PLCB4: variants seen among roughly 807,000 people sequenced by gnomAD.
PLCB4 encodes 1-phosphatidylinositol 4,5-bisphosphate phosphodiesterase beta-4.
A neutral mutation model predicts 178.8 loss-of-function variants in PLCB4; 77 were observed. The observed-to-expected ratio is 0.43, with a 90% CI of 0.36 to 0.52. The LOEUF is 0.52. Among genes scored for constraint, PLCB4 ranks in the 20% least tolerant of loss-of-function variants. The probability of loss-of-function intolerance (pLI) is 0.00; values close to 1 mark genes in which losing one functional copy is unlikely to be tolerated. For synonymous variants in PLCB4, 496 were observed against 490.8 expected, an observed-to-expected ratio of 1.01 and a Z score of -0.14; for missense variants, 1,024 against 1,453.4, an observed-to-expected ratio of 0.70 and a Z score of 4.80.
chr20:9,453,848 T>C (rs939360975), intron 33 of PLCB4, among the ~76,000 whole-genome samples: 1 of 152,174 alleles, frequency 6.6e-6, no homozygotes, highest in African/African-American at 2.4e-5. Flanking sequence ...TACTACAGAG[T>C]TCCCTTATGC....
At chr20:9,293,391 GAAGGA>G (rs1382844868) in intron 3 of PLCB4, among the ~76,000 whole-genome samples, 16 of 146,858 alleles carry the variant, frequency 1.1e-4, no homozygotes, top group South Asian at 2.2e-4. Context: ...GAAGGAAAGG[GAAGGA>G]AAGGAAAGGG....
At chr20:9,287,247 C>T (rs2094543722) in intron 3 of PLCB4, among the ~76,000 whole-genome samples, 1 of 151,894 alleles carries the variant, frequency 6.6e-6, no homozygotes, top group South Asian at 2.1e-4. Context: ...TACTGACATA[C>T]CAGGCATTTC....
rs1286978909 is a variant in PLCB4 at position 9,435,553 on chromosome 20, C to T, written c.2525-7C>T. Reference sequence around the variant, plus strand: ...TTAACGGCTCATTGGGTTTTTTTTTCCCCTAGATATCGTGGATGCTTTATC... The same window carrying T: ...TTAACGGCTCATTGGGTTTTTTTTTTCCCTAGATATCGTGGATGCTTTATC... On this transcript the variant is annotated splice_polypyrimidine_tract_variant and splice_region_variant and intron_variant, in intron 28 of 39. Coordinates refer to ENST00000378473, the MANE Select transcript of PLCB4 (RefSeq NM_001377142.1). 8.6e-6 allele frequency: 13 copies of T among 1,519,958 alleles called. No homozygotes were observed. Among genetic ancestry groups the T allele is most frequent in the Admixed American group, 5.3e-5 (3 of 56,790 alleles). 94.2% of individuals were successfully genotyped at this position (1,519,958 alleles called of 1,614,324 possible).
chr20:9,160,604 T>G (rs2092871774), intron 2 of PLCB4, among the ~76,000 whole-genome samples: 1 of 152,192 alleles, frequency 6.6e-6, no homozygotes, highest in Admixed American at 6.5e-5. Flanking sequence ...TAAAAAAGAA[T>G]GCAGAAAGTG....
At chr20:9,388,767 C>G (rs1292477336) in intron 15 of PLCB4, among the ~76,000 whole-genome samples, 3 of 152,142 alleles carry the variant, frequency 2.0e-5, no homozygotes, top group African/African-American at 7.2e-5. Flanking sequence ...CATAGTATTT[C>G]TCTTAGCCAA....
chr20:9,169,557 CCAGCCTG>C (rs1272323099), intron 2 of PLCB4, among the ~76,000 whole-genome samples: 1 of 151,500 alleles, frequency 6.6e-6, no homozygotes, highest in Non-Finnish European at 1.5e-5. Context: ...CCACTGCGCT[CCAGCCTG>C]GGTGACGGAG....
chr20:9,090,877 G>A (rs2090650025), intron 1 of PLCB4, among the ~76,000 whole-genome samples: 1 of 152,154 alleles, frequency 6.6e-6, no homozygotes, highest in African/African-American at 2.4e-5. Flanking sequence ...AGAGGTAGTA[G>A]TTATTCAATG....
intron 2 of PLCB4, among the ~76,000 whole-genome samples, chr20:9,128,538 C>T (rs2092190029): frequency 1.3e-5 from 2 of 152,146 alleles, no homozygotes; most frequent in Admixed American, 6.6e-5. Flanking sequence ...GAGTGTACCT[C>T]CATGCCCAGC....
At chr20:9,189,864 C>T (rs2093378351) in intron 2 of PLCB4, among the ~76,000 whole-genome samples, 1 of 152,112 alleles carries the variant, frequency 6.6e-6, no homozygotes, top group Non-Finnish European at 1.5e-5. Flanking sequence ...CATCATGGCT[C>T]AGTCACCTCC....
At chr20:9,134,448 C>G (rs2092341182) in intron 2 of PLCB4, among the ~76,000 whole-genome samples, 1 of 151,434 alleles carries the variant, frequency 6.6e-6, no homozygotes. Context: ...ATTGTATAAC[C>G]CCATTTTTTT....
chr20:9,129,044 A>C (rs1220596598), intron 2 of PLCB4, among the ~76,000 whole-genome samples: 1 of 152,170 alleles, frequency 6.6e-6, no homozygotes, highest in Non-Finnish European at 1.5e-5. Flanking sequence ...TTATATGTGT[A>C]TACCACATTT....
intron 3 of PLCB4, among the ~76,000 whole-genome samples, chr20:9,247,024 C>G (rs553186498): frequency 1.5e-3 from 233 of 152,178 alleles, no homozygotes; most frequent in African/African-American, 3.7e-3. Flanking sequence ...CATTAGGCCT[C>G]TTAGTTACTA....
intron 3 of PLCB4, among the ~76,000 whole-genome samples, chr20:9,265,178 C>T (rs2094336716): frequency 6.6e-6 from 1 of 152,034 alleles, no homozygotes; most frequent in African/African-American, 2.4e-5. Flanking sequence ...TTGAGGTGTA[C>T]TTGAAAAGAT....
chr20:9,261,787 T>A (rs2094299897), intron 3 of PLCB4, among the ~76,000 whole-genome samples: 1 of 152,204 alleles, frequency 6.6e-6, no homozygotes, highest in East Asian at 1.9e-4. Context: ...CAAGGACACA[T>A]TGTTAATGAG....
In PLCB4 at chr20:9,362,910, C is replaced by A; in HGVS notation, c.384C>A (p.Gly128=). 1 of 1,611,600 alleles carries A rather than the reference C, an allele frequency of 6.2e-7. No homozygotes were observed. The highest frequency in any genetic ancestry group is 8.5e-7 in the Non-Finnish European group (1 of 1,177,836). ...TTCTCTTTCAGCAATGGGTAGAAGG[C>A]CTGAGATCAATCATACACAACTTCA... is the stretch of plus-strand genomic sequence containing the variant. ...NPEVTKQWVE[G]LRSIIHNFRA... is the part of the protein sequence containing the mutation. Residue 128 remains glycine (G), a synonymous_variant, in exon 8 of 40, where the codon GGC becomes GGA. Transcript: ENST00000378473.
intron 2 of PLCB4, among the ~76,000 whole-genome samples, chr20:9,191,871 A>G (rs1049813579): frequency 3.4e-5 from 5 of 148,500 alleles, no homozygotes; most frequent in Non-Finnish European, 7.4e-5. Context: ...ATATTAATTC[A>G]TTCTGTATGT....
chr20:9,200,627 T>C (rs1468294929), intron 2 of PLCB4, among the ~76,000 whole-genome samples: 5 of 152,190 alleles, frequency 3.3e-5, no homozygotes, highest in Admixed American at 3.3e-4. Flanking sequence ...TCCCTTCTGG[T>C]GTCCTCCTCC....
chr20:9,433,985 T>C (rs1051072961), intron 28 of PLCB4, among the ~76,000 whole-genome samples: 3 of 152,224 alleles, frequency 2.0e-5, no homozygotes, highest in Admixed American at 1.3e-4. Context: ...ATCTATTCTG[T>C]AAATATATGT....
chr20:9,210,825 G>A (rs548714756), intron 2 of PLCB4, among the ~76,000 whole-genome samples: 172 of 152,248 alleles, frequency 1.1e-3, no homozygotes, highest in African/African-American at 3.9e-3. Context: ...ATTGGAGGGG[G>A]TGAGTGCCAT....
Sources: gnomAD v4.1 joint callset for allele counts (sites outside exome capture counted in the v4.1 genomes callset) on GRCh38, gnomAD v4.1.1 for gene constraint, MANE v1.5 for transcripts, NCBI Gene and HGNC (gene_info 2026-07-23, HGNC 2026-07-21) for gene names.